The following NCS1 variants were observed in gnomAD, a reference collection of about 807,000 sequenced individuals.
NCS1 encodes the protein frequenin homolog.
NCS1 carries 6 observed loss-of-function variants against 28.4 expected under a neutral mutation model. The observed-to-expected ratio is 0.21, with a 90% CI of 0.12 to 0.42. The LOEUF is 0.42. Ranked by LOEUF, NCS1 falls within the 10% of genes least tolerant of loss-of-function variation. The pLI, the probability that NCS1 is intolerant of heterozygous loss-of-function variation, is 1.00. For missense variants in NCS1, 131 were observed against 241.4 expected, an observed-to-expected ratio of 0.54 and a Z score of 3.03; for synonymous variants, 86 against 99.3, an observed-to-expected ratio of 0.87 and a Z score of 0.79.
intron 1 of NCS1, 47 bp downstream of exon 1, chr9:130,172,774 CCCACCGCCCCCG>C: frequency 1.1e-5 from 12 of 1,047,080 alleles, no homozygotes; most frequent in Non-Finnish European, 1.5e-5. Flanking sequence ...CACCCCCACA[CCCACCGCCCCCG>C]CCCCCGCCCC....
intron 1 of NCS1, among the ~76,000 whole-genome samples, chr9:130,195,996 G>A (rs1463289626): frequency 6.6e-6 from 1 of 152,166 alleles, no homozygotes; most frequent in Non-Finnish European, 1.5e-5. Context: ...ACATGCAGTT[G>A]GAGGCTCTGG....
intron 7 of NCS1, among the ~76,000 whole-genome samples, chr9:130,227,694 A>G (rs953551299): frequency 6.6e-6 from 1 of 152,214 alleles, no homozygotes; most frequent in South Asian, 2.1e-4. Flanking sequence ...ACCCATTTTA[A>G]TGTGCTCATT....
In NCS1 at chr9:130,233,325, G is replaced by A. The variant is rs1439681898; in HGVS notation, c.*353G>A. The A allele has an allele frequency of 6.6e-6, 1 of 151,906 alleles. No individual in the cohort carries two copies. The highest frequency in any genetic ancestry group is 1.5e-5 in the Non-Finnish European group (1 of 67,966). The allele number at this position is 151,906 out of a possible 1,614,324, so 9.4% of individuals were successfully genotyped here. A position where few individuals can be genotyped will look rare whatever the true frequency, so the allele number is the denominator to read the frequency against. ...CTTTTGTTTTTTATTTTGAACAGACGTTTTAAAAGAAAAAAAAACAACTAC... is the reference window on the plus strand; with the variant it reads ...CTTTTGTTTTTTATTTTGAACAGACATTTTAAAAGAAAAAAAAACAACTAC... On this transcript the variant is annotated 3_prime_UTR_variant, in exon 8 of 8. Coordinates refer to ENST00000372398, the MANE Select transcript of NCS1 (RefSeq NM_014286.4). This position sits in a 1 kb window ranked among gnomAD's most constrained non-coding sequence, Gnocchi z 4.8.
At position 130,172,681 on chromosome 9, in the gene NCS1, C is replaced by A; in HGVS notation, c.18C>A (p.Ser6Arg). The change falls in exon 1 of 8, where the codon AGC (serine) becomes AGA (arginine). Residue 6 changes from serine to arginine, a missense_variant. This residue lies in a region of NCS1 where 31 missense variants were observed against 31.1 expected (regional missense o/e 1.00). Coordinates refer to ENST00000372398, the MANE Select transcript of NCS1 (RefSeq NM_014286.4). The stretch of plus-strand genomic sequence containing the variant: ...CGCCGAGGATGGGGAAATCCAACAG[C>A]AAGTTGAAGCCCGAAGTTGTGGAGG... MGKSN[S>R]KLKPEVVEEL... The A allele has an allele frequency of 6.6e-7, 1 of 1,507,516 alleles. No homozygotes were observed. The allele number at this position is 1,507,516 out of a possible 1,614,324, so 93.4% of individuals were successfully genotyped here. A position where few individuals can be genotyped will look rare whatever the true frequency, so the allele number is the denominator to read the frequency against.
chr9:130,195,720 G>A (rs895911126), intron 1 of NCS1, among the ~76,000 whole-genome samples: 14 of 152,324 alleles, frequency 9.2e-5, no homozygotes, highest in South Asian at 2.1e-4. Context: ...CACCGCGCTC[G>A]GGCGCAGCTA....
In NCS1 at chr9:130,223,068, G is replaced by A; in HGVS notation, c.397-14G>A. The stretch of plus-strand genomic sequence containing the variant: ...GAGTGCCAGGGCCCACCCCCGCCTT[G>A]TCCGTCCCTGCAGGGGAATACCGTG... On this transcript the variant is annotated splice_polypyrimidine_tract_variant and intron_variant, in intron 5 of 7. Coordinates refer to ENST00000372398, the MANE Select transcript of NCS1 (RefSeq NM_014286.4). The A allele has an allele frequency of 6.2e-7, 1 of 1,612,814 alleles. No individual in the cohort carries two copies. Among genetic ancestry groups the A allele is most frequent in the Middle Eastern group, 1.7e-4 (1 of 5,960 alleles).
intron 1 of NCS1, chr9:130,200,341 G>A (rs536491041): frequency 1.8e-6 from 1 of 565,776 alleles, no homozygotes; most frequent in South Asian, 2.4e-5. Context: ...GGGTATGTGG[G>A]CTTGGCTCCA....
At chr9:130,202,201 C>T (rs574050393) in intron 2 of NCS1, among the ~76,000 whole-genome samples, 1 of 152,356 alleles carries the variant, frequency 6.6e-6, no homozygotes, top group African/African-American at 2.4e-5. Context: ...TGCAGTCTGG[C>T]GTCCTCTGCC....
intron 2 of NCS1, among the ~76,000 whole-genome samples, chr9:130,202,655 C>T (rs1832969101): frequency 6.6e-6 from 1 of 150,896 alleles, no homozygotes; most frequent in South Asian, 2.1e-4. Flanking sequence ...TCTCAGCTCA[C>T]TGCAACCTCC....
At chr9:130,195,005 G>C (rs1348017238) in intron 1 of NCS1, among the ~76,000 whole-genome samples, 3 of 152,210 alleles carry the variant, frequency 2.0e-5, no homozygotes, top group Non-Finnish European at 4.4e-5. Context: ...GATGGGCCAG[G>C]AGAAGTGTCC....
At chr9:130,184,857 T>A (rs1269406068) in intron 1 of NCS1, among the ~76,000 whole-genome samples, 1 of 151,870 alleles carries the variant, frequency 6.6e-6, no homozygotes, top group Non-Finnish European at 1.5e-5. Flanking sequence ...TGGTCTTGAT[T>A]TCCTGACCTT....
chr9:130,211,630 C>T (rs1833114051), intron 2 of NCS1, among the ~76,000 whole-genome samples: 1 of 152,046 alleles, frequency 6.6e-6, no homozygotes, highest in Non-Finnish European at 1.5e-5. Context: ...GTCCCTCTCT[C>T]CCCTTCCTGG....
chr9:130,230,752 G>C (rs1257431542), intron 7 of NCS1, among the ~76,000 whole-genome samples: 1 of 150,972 alleles, frequency 6.6e-6, no homozygotes, highest in Non-Finnish European at 1.5e-5. Flanking sequence ...TCATCACTCA[G>C]CTTCCGAATC....
rs1833085122 is a variant in NCS1, at chr9:130,209,720, A to G, written c.90-8112A>G. 6.6e-6 allele frequency among the ~76,000 whole-genome samples: 1 copy of G among 152,134 alleles called. No individual in the cohort carries two copies. The highest frequency in any genetic ancestry group is 1.5e-5 in the Non-Finnish European group (1 of 68,022). On this transcript the variant is annotated intron_variant, in intron 2 of 7. Transcript: ENST00000372398. This position sits in a 1 kb window ranked among gnomAD's most constrained non-coding sequence, Gnocchi z 4.4. ...GTAGTCAGCTTTCAGGATTTTTATG[A>G]AATGAGGTTTCTTTTCTCCCCTGCC... is the stretch of plus-strand genomic sequence containing the variant.
In NCS1 at chr9:130,212,142, G is replaced by C. The variant is rs142755761; in HGVS notation, c.90-5690G>C. Among the ~76,000 whole-genome samples, 587 of 152,316 alleles carry C rather than the reference G, an allele frequency of 3.9e-3. 3 individuals are homozygous for C. The highest frequency in any genetic ancestry group is 6.3e-3 in the Non-Finnish European group (430 of 68,024). On this transcript the variant is annotated intron_variant, in intron 2 of 7. Coordinates refer to ENST00000372398, the MANE Select transcript of NCS1 (RefSeq NM_014286.4). Reference sequence around the variant, plus strand: ...GCGGGATTGGCCTCACCTTCTGGATGTTGGGACGATGGGGCAGAATCGTTC... The same window carrying C: ...GCGGGATTGGCCTCACCTTCTGGATCTTGGGACGATGGGGCAGAATCGTTC...
rs1422626847 is a variant in NCS1, at chr9:130,180,944, G to A, written c.64+8217G>A. On this transcript the variant is annotated intron_variant, in intron 1 of 7. Coordinates refer to ENST00000372398, the MANE Select transcript of NCS1 (RefSeq NM_014286.4). This position sits in a 1 kb window ranked among gnomAD's most constrained non-coding sequence, Gnocchi z 4.5. Reference sequence around the variant, plus strand: ...GGCTTGGTGAGTTGGGGAGGGAGAAGGGTTGTGGCAGGCTGGCTTTTAGGC... The same window carrying A: ...GGCTTGGTGAGTTGGGGAGGGAGAAAGGTTGTGGCAGGCTGGCTTTTAGGC... Among the ~76,000 whole-genome samples the A allele has an allele frequency of 6.6e-6, 1 of 152,214 alleles. No individual in the cohort carries two copies. The highest frequency in any genetic ancestry group is 2.4e-5 in the African/African-American group (1 of 41,460).
At chr9:130,221,399 T>TAGAG (rs1286299307) in intron 4 of NCS1, among the ~76,000 whole-genome samples, 36 of 49,978 alleles carry the variant, frequency 7.2e-4, no homozygotes, top group Non-Finnish European at 1.2e-3. Context: ...TATATATATA[T>TAGAG]ATATATATAT....
intron 1 of NCS1, among the ~76,000 whole-genome samples, chr9:130,193,145 C>T (rs1832838423): frequency 6.6e-6 from 1 of 152,140 alleles, no homozygotes; most frequent in South Asian, 2.1e-4. Flanking sequence ...TGTGCTGTTG[C>T]TGCCCAGGGA....
intron 2 of NCS1, among the ~76,000 whole-genome samples, chr9:130,202,923 A>G (rs1310244832): frequency 2.0e-5 from 3 of 151,990 alleles, no homozygotes; most frequent in Non-Finnish European, 4.4e-5. Context: ...AACAGAGCTC[A>G]TCATTCCACA....
Sources: gnomAD v4.1 joint callset for allele counts (sites outside exome capture counted in the v4.1 genomes callset) on GRCh38, gnomAD v4.1.1 for gene constraint, gnomAD v4.1.1 regional missense constraint, Gnocchi (gnomAD v3.1) non-coding constraint, MANE v1.5 for transcripts, NCBI Gene and HGNC (gene_info 2026-07-23, HGNC 2026-07-21) for gene names.